The following NOS1AP variants were observed in gnomAD, a reference collection of about 807,000 sequenced individuals.
NOS1AP encodes carboxyl-terminal PDZ ligand of neuronal nitric oxide synthase protein.
A neutral mutation model predicts 56.2 loss-of-function variants in NOS1AP; 21 were observed. The ratio of observed to expected loss-of-function variants is 0.37; its 90% CI spans 0.26 to 0.54. The LOEUF (loss-of-function observed/expected upper bound fraction) is 0.54. Among genes scored for constraint, NOS1AP ranks in the 20% least tolerant of loss-of-function variants. The pLI, the probability that NOS1AP is intolerant of heterozygous loss-of-function variation, is 0.84. For missense variants in NOS1AP, 522 were observed against 657.8 expected, an observed-to-expected ratio of 0.79 and a Z score of 2.26; for synonymous variants, 270 against 274.6, an observed-to-expected ratio of 0.98 and a Z score of 0.17.
At chr1:162,122,026 A>T (rs904808392) in intron 1 of NOS1AP, among the ~76,000 whole-genome samples, 2 of 152,254 alleles carry the variant, frequency 1.3e-5, no homozygotes, top group Non-Finnish European at 2.9e-5. Flanking sequence ...AATTAGGATG[A>T]TTACTGTAAT....
At chr1:162,210,477 C>G (rs1571129917) in intron 2 of NOS1AP, among the ~76,000 whole-genome samples, 1 of 152,236 alleles carries the variant, frequency 6.6e-6, no homozygotes, top group Admixed American at 6.5e-5. Context: ...AATTAATCCA[C>G]TTTCTCTGGA....
At chr1:162,155,600 G>A (rs1649940887) in intron 2 of NOS1AP, among the ~76,000 whole-genome samples, 2 of 151,988 alleles carry the variant, frequency 1.3e-5, no homozygotes, top group South Asian at 4.2e-4. Flanking sequence ...TCTACTTTCG[G>A]AAAGTTCACT....
chr1:162,215,105 T>G (rs1652520128), intron 2 of NOS1AP, among the ~76,000 whole-genome samples: 1 of 152,194 alleles, frequency 6.6e-6, no homozygotes, highest in Middle Eastern at 3.2e-3. Context: ...TGAGCATGCT[T>G]GGGAGGGATC....
At chr1:162,263,412 A>G (rs1654302234) in intron 2 of NOS1AP, among the ~76,000 whole-genome samples, 1 of 152,198 alleles carries the variant, frequency 6.6e-6, no homozygotes, top group Non-Finnish European at 1.5e-5. Context: ...GCATCATTCC[A>G]TTAATTAATG....
intron 2 of NOS1AP, among the ~76,000 whole-genome samples, chr1:162,257,983 T>A (rs1654086853): frequency 6.6e-6 from 1 of 152,200 alleles, no homozygotes; most frequent in Admixed American, 6.5e-5. Context: ...GCTTTTTTTT[T>A]TATTTTAAAT....
At chr1:162,087,125 A>G (rs1692020828) in intron 1 of NOS1AP, among the ~76,000 whole-genome samples, 1 of 152,180 alleles carries the variant, frequency 6.6e-6, no homozygotes, top group Non-Finnish European at 1.5e-5. Context: ...CAGTAAAGAC[A>G]CACAGGGTTG....
At chr1:162,329,912 G>A (rs981123984) in intron 4 of NOS1AP, among the ~76,000 whole-genome samples, 1 of 152,198 alleles carries the variant, frequency 6.6e-6, no homozygotes, top group Non-Finnish European at 1.5e-5. Flanking sequence ...ATCAGATATA[G>A]CAGAGCAGTC....
At position 162,367,388 on chromosome 1, in the gene NOS1AP, A is replaced by G. The variant is rs754209234; in HGVS notation, c.1442A>G (p.Gln481Arg). The change falls in exon 10 of 10, where the codon CAG (glutamine) becomes CGG (arginine). Residue 481 changes from glutamine to arginine, a missense_variant. Physicochemically the swap from Gln to Arg is conservative, Grantham distance 43. Around this residue, in one of 4 missense-constraint regions of NOS1AP, gnomAD observed 160 missense variants for 180.3 expected, o/e 0.89. Transcript: ENST00000361897. This position sits in a 1 kb window ranked among gnomAD's most constrained non-coding sequence, Gnocchi z 6.5. Reference sequence around the variant, plus strand: ...AGCGAGGAGCGCGACTCGTGGTCCCAGGAGGAGCTGCCGCGCCTGCTGAAT... The same window carrying G: ...AGCGAGGAGCGCGACTCGTGGTCCCGGGAGGAGCTGCCGCGCCTGCTGAAT... Reference protein sequence around the residue: ...DESEERDSWSQEELPRLLNVL... With the variant: ...DESEERDSWSREELPRLLNVL... 41 of 1,606,596 alleles carry G rather than the reference A, an allele frequency of 2.6e-5. No homozygotes were observed. Among genetic ancestry groups the G allele is most frequent in the Non-Finnish European group, 3.4e-5 (40 of 1,176,422 alleles).
chr1:162,251,069 T>G lies in NOS1AP; in HGVS notation c.178-36275T>G, dbSNP rs186448569. 4.2e-3 allele frequency among the ~76,000 whole-genome samples: 554 copies of G among 133,004 alleles called. 1 individual carries two copies. The highest frequency in any genetic ancestry group is 6.6e-3 in the Non-Finnish European group (407 of 61,418). The allele number at this position is 133,004 out of a possible 152,430, so 87.3% of individuals were successfully genotyped here. A position where few individuals can be genotyped will look rare whatever the true frequency, so the allele number is the denominator to read the frequency against. The stretch of plus-strand genomic sequence containing the variant: ...CTGTGCCCTCTGTCCTGAGCTTTTT[T>G]GTTTGTTTGTTTGTTTGTTTGTTTG... On this transcript the variant is annotated intron_variant, in intron 2 of 9. Transcript: ENST00000361897.
chr1:162,236,758 G>A (rs901982831), intron 2 of NOS1AP, among the ~76,000 whole-genome samples: 17 of 151,932 alleles, frequency 1.1e-4, no homozygotes, highest in South Asian at 2.1e-4. Context: ...TCTATAAATC[G>A]AAACCCATAG....
chr1:162,324,722 CA>C (rs1656529105), intron 4 of NOS1AP, among the ~76,000 whole-genome samples: 1 of 152,142 alleles, frequency 6.6e-6, no homozygotes, highest in African/African-American at 2.4e-5. Flanking sequence ...TTACTCTAGG[CA>C]CACAGTAGAT....
At chr1:162,233,052 A>G (rs1014141600) in intron 2 of NOS1AP, among the ~76,000 whole-genome samples, 3 of 152,186 alleles carry the variant, frequency 2.0e-5, no homozygotes, top group Non-Finnish European at 4.4e-5. Context: ...CTCAAACTTC[A>G]GTGTGTTTTA....
intron 4 of NOS1AP, among the ~76,000 whole-genome samples, chr1:162,306,940 G>C (rs945486412): frequency 6.7e-6 from 1 of 148,894 alleles, no homozygotes; most frequent in Non-Finnish European, 1.5e-5. Flanking sequence ...TCCAGCCTGG[G>C]CAACAGAGTG....
chr1:162,300,808 A>G, intron 4 of NOS1AP, 102 bp downstream of exon 4: 1 of 955,520 alleles, frequency 1.0e-6, no homozygotes, highest in Non-Finnish European at 1.7e-6. Context: ...ATTTAAATAA[A>G]CTTCTATGCT....
At chr1:162,255,490 A>ATTTTTTTTTCTTTTTTTTTTTTTT (rs1653998207) in intron 2 of NOS1AP, among the ~76,000 whole-genome samples, 1 of 60,974 alleles carries the variant, frequency 1.6e-5, no homozygotes, top group Non-Finnish European at 3.5e-5. Context: ...GCTGCTGCTG[A>ATTTTTTTTTCTTTTTTTTTTTTTT]TTTTTTTTTT....
At chr1:162,143,495 C>G (rs1055079502) in intron 1 of NOS1AP, among the ~76,000 whole-genome samples, 1 of 152,236 alleles carries the variant, frequency 6.6e-6, no homozygotes, top group Non-Finnish European at 1.5e-5. Flanking sequence ...TCTGCATTAT[C>G]TAATTTTGAT....
chr1:162,361,814 T>C (rs559905801), intron 8 of NOS1AP, among the ~76,000 whole-genome samples: 3 of 152,332 alleles, frequency 2.0e-5, no homozygotes, highest in South Asian at 2.1e-4. Context: ...CTTGGGTACC[T>C]GCAAAAAAAG....
At position 162,174,505 on chromosome 1, in the gene NOS1AP, C is replaced by G. The variant is rs142279671; in HGVS notation, c.177+20029C>G. On this transcript the variant is annotated intron_variant, in intron 2 of 9. Transcript: ENST00000361897. ...AGCACACCAACATGGCACATGTATA[C>G]ATATGTAACAAACCTGCACGTTGTG... Among the ~76,000 whole-genome samples the G allele has an allele frequency of 0.017, 2,575 of 152,086 alleles. 96 individuals are homozygous for G. In the East Asian group the frequency reaches 0.18, roughly 11 times the overall value.
chr1:162,141,080 CTT>C (rs1465661510), intron 1 of NOS1AP, among the ~76,000 whole-genome samples: 1 of 152,110 alleles, frequency 6.6e-6, no homozygotes, highest in African/African-American at 2.4e-5. Context: ...TTTACAGTCT[CTT>C]TTATTCTTGC....
Sources: gnomAD v4.1 joint callset for allele counts (sites outside exome capture counted in the v4.1 genomes callset) on GRCh38, gnomAD v4.1.1 for gene constraint, gnomAD v4.1.1 regional missense constraint, Gnocchi (gnomAD v3.1) non-coding constraint, MANE v1.5 for transcripts, NCBI Gene and HGNC (gene_info 2026-07-23, HGNC 2026-07-21) for gene names.